Variants in CADM2 observed in about 807,000 individuals in gnomAD.
The protein encoded by CADM2 is cell adhesion molecule 2, also known as immunoglobulin superfamily member 4D.
Under a neutral mutation model 49.8 loss-of-function variants are expected in CADM2, and 12 were observed. The observed-to-expected ratio is 0.24, with a 90% CI of 0.15 to 0.39. The LOEUF (loss-of-function observed/expected upper bound fraction) is 0.39. Among genes scored for constraint, CADM2 ranks in the 10% least tolerant of loss-of-function variants. The pLI is 1.00. For synonymous variants in CADM2, 214 were observed against 175.4 expected (o/e 1.22, Z -1.74); for missense variants, 378 against 492.3 (o/e 0.77, Z 2.20).
At chr3:85,521,784 G>A (rs1056750536) in intron 1 of CADM2, among the ~76,000 whole-genome samples, 9 of 151,978 alleles carry the variant, frequency 5.9e-5, no homozygotes, top group African/African-American at 2.2e-4. Context: ...AGAGATTTAC[G>A]GAAGGTCACT....
chr3:85,945,858 A>T (rs1356727298), intron 7 of CADM2, among the ~76,000 whole-genome samples: 7 of 152,114 alleles, frequency 4.6e-5, no homozygotes, highest in Non-Finnish European at 8.8e-5. Context: ...ATTCCCTTTG[A>T]AAACTGGCAC....
chr3:85,383,656 A>G (rs2034041539), intron 1 of CADM2, among the ~76,000 whole-genome samples: 1 of 149,876 alleles, frequency 6.7e-6, no homozygotes, highest in African/African-American at 2.4e-5. Flanking sequence ...CCCAAGGTTA[A>G]CCAGTCGTTT....
chr3:85,553,467 G>A (rs2061869195), intron 1 of CADM2, among the ~76,000 whole-genome samples: 1 of 152,132 alleles, frequency 6.6e-6, no homozygotes, highest in African/African-American at 2.4e-5. Flanking sequence ...ACTATTTACT[G>A]TCACTTGGAA....
intron 1 of CADM2, among the ~76,000 whole-genome samples, chr3:85,327,035 G>T (rs1435659513): frequency 6.6e-6 from 1 of 151,388 alleles, no homozygotes; most frequent in Non-Finnish European, 1.5e-5. Flanking sequence ...ATCTTAATGT[G>T]TCTTTTTTTT....
At chr3:85,284,686 TCA>T (rs1374428164) in intron 1 of CADM2, among the ~76,000 whole-genome samples, 3 of 151,980 alleles carry the variant, frequency 2.0e-5, no homozygotes. Context: ...TCAATAGTGA[TCA>T]AGTGAGTGAT....
chr3:85,116,113 G>T (rs1967400), intron 1 of CADM2, among the ~76,000 whole-genome samples: 13,184 of 152,156 alleles, frequency 0.087, 1,134 homozygotes, highest in Admixed American at 0.26. Context: ...GATTACTTGA[G>T]GTCAAGAGTT....
intron 1 of CADM2, among the ~76,000 whole-genome samples, chr3:85,119,841 C>A (rs2038788690): frequency 6.6e-6 from 1 of 152,100 alleles, no homozygotes. Flanking sequence ...GAATTTTGCA[C>A]ATTGATTTTG....
At chr3:85,191,583 G>A (rs2041209328) in intron 1 of CADM2, among the ~76,000 whole-genome samples, 2 of 152,028 alleles carry the variant, frequency 1.3e-5, no homozygotes, top group African/African-American at 2.4e-5. Flanking sequence ...AATAGATGAC[G>A]GTTTGACTGC....
chr3:85,122,765 T>A (rs900811357), intron 1 of CADM2, among the ~76,000 whole-genome samples: 1 of 152,082 alleles, frequency 6.6e-6, no homozygotes, highest in Non-Finnish European at 1.5e-5. Context: ...TCCCTGATAG[T>A]ATCACCTAGA....
chr3:85,895,639 C>A (rs1030287970), intron 5 of CADM2, among the ~76,000 whole-genome samples: 20 of 152,252 alleles, frequency 1.3e-4, no homozygotes, highest in Non-Finnish European at 1.8e-4. Context: ...TTGTAGCTCC[C>A]ATAATTCTCA....
At chr3:85,565,982 G>T (rs1243411919) in intron 1 of CADM2, among the ~76,000 whole-genome samples, 1 of 151,966 alleles carries the variant, frequency 6.6e-6, no homozygotes, top group Non-Finnish European at 1.5e-5. Flanking sequence ...GGAAATAGTG[G>T]CACGCTTTAA....
chr3:85,903,378 G>A (rs892056867), intron 5 of CADM2, among the ~76,000 whole-genome samples: 3 of 151,392 alleles, frequency 2.0e-5, no homozygotes, highest in African/African-American at 7.3e-5. Flanking sequence ...TTGTAAGGCA[G>A]GACTGCTTTA....
chr3:85,543,691 G>A (rs1303051005), intron 1 of CADM2, among the ~76,000 whole-genome samples: 3 of 152,126 alleles, frequency 2.0e-5, no homozygotes, highest in African/African-American at 7.2e-5. Flanking sequence ...GATGCTGAAA[G>A]GCTATGATCA....
chr3:85,947,378 G>T (rs1356631878), intron 7 of CADM2, among the ~76,000 whole-genome samples: 1 of 151,170 alleles, frequency 6.6e-6, no homozygotes, highest in African/African-American at 2.4e-5. Flanking sequence ...TTTAGATTGG[G>T]ATGTGTATGT....
At chr3:85,477,410 T>C (rs1240725724) in intron 1 of CADM2, among the ~76,000 whole-genome samples, 5 of 151,666 alleles carry the variant, frequency 3.3e-5, no homozygotes, top group Admixed American at 6.6e-5. Context: ...ATGTTAAAAT[T>C]CTTCGAAGTA....
chr3:85,065,228 A>G (rs1000677129), intron 1 of CADM2, among the ~76,000 whole-genome samples: 2 of 152,060 alleles, frequency 1.3e-5, no homozygotes, highest in Admixed American at 6.6e-5. Flanking sequence ...GCTATTTTAA[A>G]TTTATTTCAT....
At chr3:86,021,474 AT>A (rs1733172473) in intron 8 of CADM2, among the ~76,000 whole-genome samples, 1 of 152,208 alleles carries the variant, frequency 6.6e-6, no homozygotes, top group Non-Finnish European at 1.5e-5. Flanking sequence ...TCTAATAATA[AT>A]TTTTAACAGA....
chr3:85,018,499 G>A (rs1044884269), intron 1 of CADM2, among the ~76,000 whole-genome samples: 20 of 152,004 alleles, frequency 1.3e-4, no homozygotes, highest in Admixed American at 7.9e-4. Flanking sequence ...TGCCTCAGGC[G>A]CCCGCCACCA....
chr3:85,419,699 A>G (rs938713592), intron 1 of CADM2, among the ~76,000 whole-genome samples: 3 of 152,094 alleles, frequency 2.0e-5, no homozygotes, highest in Non-Finnish European at 4.4e-5. Flanking sequence ...CTTATTTTTC[A>G]TATGTATTGT....
Sources: gnomAD v4.1 joint callset for allele counts (sites outside exome capture counted in the v4.1 genomes callset) on GRCh38, gnomAD v4.1.1 for gene constraint, MANE v1.5 for transcripts, NCBI Gene and HGNC (gene_info 2026-07-23, HGNC 2026-07-21) for gene names.